Variants in FARS2 observed in about 807,000 individuals in gnomAD.
FARS2 encodes phenylalanyl-tRNA synthetase 2, mitochondrial, also known as phenylalanine--tRNA ligase, mitochondrial.
In FARS2, 40 loss-of-function variants were observed where a neutral mutation model predicts 46.4. That is an observed-to-expected ratio of 0.86 (90% CI 0.67 to 1.12). The LOEUF is 1.12. FARS2 is among the 50% of genes most tolerant of loss of function. FARS2 has a pLI of 0.00. For synonymous variants in FARS2, 234 were observed against 214.9 expected, an observed-to-expected ratio of 1.09 and a Z score of -0.78; for missense variants, 513 against 567.9, an observed-to-expected ratio of 0.90 and a Z score of 0.98.
intron 6 of FARS2, among the ~76,000 whole-genome samples, chr6:5,632,637 T>TTC (rs1776350618): frequency 3.1e-4 from 44 of 141,280 alleles, no homozygotes; most frequent in East Asian, 1.0e-3. Flanking sequence ...CTCCCTCCCT[T>TTC]CTTCCTTCCT....
At chr6:5,490,955 G>C (rs1453473577) in intron 4 of FARS2, among the ~76,000 whole-genome samples, 1 of 152,200 alleles carries the variant, frequency 6.6e-6, no homozygotes, top group Non-Finnish European at 1.5e-5. Context: ...ACTGCTCTTG[G>C]ATTCCTGAGC....
At chr6:5,482,822 G>T (rs140744009) in intron 4 of FARS2, among the ~76,000 whole-genome samples, 219 of 152,326 alleles carry the variant, frequency 1.4e-3, no homozygotes, top group African/African-American at 4.9e-3. Flanking sequence ...TTCAGAGTCA[G>T]CACTTTCCAG....
At chr6:5,604,545 T>A (rs921846364) in intron 5 of FARS2, among the ~76,000 whole-genome samples, 6 of 152,094 alleles carry the variant, frequency 3.9e-5, no homozygotes, top group African/African-American at 1.4e-4. Flanking sequence ...ACCCCAGGCG[T>A]CTCTGAAACC....
chr6:5,605,370 A>G (rs1425096589), intron 5 of FARS2, among the ~76,000 whole-genome samples: 1 of 152,216 alleles, frequency 6.6e-6, no homozygotes, highest in Non-Finnish European at 1.5e-5. Context: ...GGAGGCCCGA[A>G]TCACTGCCTG....
chr6:5,269,741 A>G (rs930880846), intron 1 of FARS2, among the ~76,000 whole-genome samples: 4 of 152,210 alleles, frequency 2.6e-5, no homozygotes, highest in East Asian at 1.9e-4. Context: ...AAGATGTGCA[A>G]TACTGAGATC....
chr6:5,383,338 G>C (rs556072972), intron 2 of FARS2, among the ~76,000 whole-genome samples: 1 of 152,238 alleles, frequency 6.6e-6, no homozygotes, highest in African/African-American at 2.4e-5. Context: ...TAAAGGACTG[G>C]AACTTTTGGC....
chr6:5,304,258 A>T (rs983339872), intron 1 of FARS2, among the ~76,000 whole-genome samples: 1 of 152,198 alleles, frequency 6.6e-6, no homozygotes, highest in Non-Finnish European at 1.5e-5. Flanking sequence ...GTTTCCCCTT[A>T]TCACTGTATA....
chr6:5,432,043 C>T (rs1378057031), intron 4 of FARS2, among the ~76,000 whole-genome samples: 2 of 150,534 alleles, frequency 1.3e-5, no homozygotes, highest in Non-Finnish European at 3.0e-5. Flanking sequence ...ATATTACAGG[C>T]TCGTGCACTT....
At chr6:5,428,728 A>G (rs905225812) in intron 3 of FARS2, among the ~76,000 whole-genome samples, 4 of 152,120 alleles carry the variant, frequency 2.6e-5, no homozygotes, top group African/African-American at 9.7e-5. Context: ...ACAGGTGTAT[A>G]AATCCCTTCT....
intron 5 of FARS2, among the ~76,000 whole-genome samples, chr6:5,546,952 A>T (rs1771064280): frequency 6.6e-6 from 1 of 150,478 alleles, no homozygotes; most frequent in African/African-American, 2.5e-5. Context: ...ATTTTATTTT[A>T]TTTTATTTAT....
intron 4 of FARS2, among the ~76,000 whole-genome samples, chr6:5,522,342 G>A (rs1319942488): frequency 6.6e-6 from 1 of 152,224 alleles, no homozygotes; most frequent in African/African-American, 2.4e-5. Flanking sequence ...CTGCAAGGGG[G>A]TTAGGCCATG....
intron 6 of FARS2, among the ~76,000 whole-genome samples, chr6:5,660,299 A>G (rs1314415907): frequency 6.6e-6 from 1 of 152,224 alleles, no homozygotes; most frequent in East Asian, 1.9e-4. Context: ...ATAATCACAC[A>G]TGTAGATGTG....
At chr6:5,281,633 C>A (rs533999212) in intron 1 of FARS2, among the ~76,000 whole-genome samples, 2 of 151,772 alleles carry the variant, frequency 1.3e-5, no homozygotes, top group Non-Finnish European at 2.9e-5. Flanking sequence ...TCTCCCACCC[C>A]CCCTGCCCCC....
At chr6:5,360,870 A>C (rs1270089329) in intron 1 of FARS2, among the ~76,000 whole-genome samples, 1 of 152,232 alleles carries the variant, frequency 6.6e-6, no homozygotes, top group African/African-American at 2.4e-5. Context: ...AATTGATGTC[A>C]GTATTCAAGA....
At chr6:5,651,850 G>T (rs1237389984) in intron 6 of FARS2, among the ~76,000 whole-genome samples, 1 of 152,132 alleles carries the variant, frequency 6.6e-6, no homozygotes, top group Non-Finnish European at 1.5e-5. Context: ...CTGGTTAGTG[G>T]CAAAACTGAG....
chr6:5,610,874 G>A (rs1775141349), intron 5 of FARS2, among the ~76,000 whole-genome samples: 2 of 152,222 alleles, frequency 1.3e-5, no homozygotes, highest in Non-Finnish European at 2.9e-5. Context: ...GACAATCCAG[G>A]GATGGAGGCA....
intron 3 of FARS2, among the ~76,000 whole-genome samples, chr6:5,409,296 A>G (rs143372512): frequency 0.011 from 1,648 of 152,126 alleles, 25 homozygotes; most frequent in African/African-American, 0.037. Context: ...TAAAAATACA[A>G]AAAAATTAGC....
At chr6:5,255,500 CT>C in the FARS2 span, among the ~76,000 whole-genome samples, 2 of 151,130 alleles carry the variant, frequency 1.3e-5, no homozygotes, top group East Asian at 1.9e-4. Flanking sequence ...TTTTTAAAAG[CT>C]TTTTTTTTCT....
chr6:5,478,635 C>G (rs919459871), intron 4 of FARS2, among the ~76,000 whole-genome samples: 4 of 151,926 alleles, frequency 2.6e-5, no homozygotes, highest in Admixed American at 6.5e-5. Context: ...CCATGATTCT[C>G]TCACATCGAC....
Sources: allele counts gnomAD v4.1 joint callset (sites outside exome capture counted in the v4.1 genomes callset), GRCh38; gene constraint gnomAD v4.1.1; transcripts MANE v1.5; gene names NCBI Gene and HGNC (gene_info 2026-07-23, HGNC 2026-07-21).